PBX1: variants seen among roughly 807,000 people sequenced by gnomAD.
PBX1 encodes PBX homeobox 1, also known as pre-B-cell leukemia transcription factor 1.
A neutral mutation model predicts 53.4 loss-of-function variants in PBX1; 6 were observed. The observed-to-expected ratio is 0.11, with a 90% confidence interval of 0.06 to 0.22. PBX1 has a LOEUF of 0.22. PBX1 is among the 10% of genes least tolerant of loss of function. The pLI is 1.00. For synonymous variants in PBX1, 204 were observed against 212.3 expected, an observed-to-expected ratio of 0.96 and a Z score of 0.34; for missense variants, 251 against 551.4, an observed-to-expected ratio of 0.46 and a Z score of 5.46.
chr1:164,684,162 C>G (rs569416355), intron 2 of PBX1: 1 of 152,146 alleles, frequency 6.6e-6, no homozygotes, highest in Non-Finnish European at 1.5e-5. Flanking sequence ...TACAGAATAT[C>G]TAACAGCTAT....
At chr1:164,729,354 G>T (rs1664863205) in intron 2 of PBX1, among the ~76,000 whole-genome samples, 1 of 151,970 alleles carries the variant, frequency 6.6e-6, no homozygotes, top group South Asian at 2.1e-4. Context: ...ATTTATCCTT[G>T]TGCTTCTTTT....
intron 8 of PBX1, among the ~76,000 whole-genome samples, chr1:164,834,454 A>G (rs903772306): frequency 1.3e-5 from 2 of 150,340 alleles, no homozygotes; most frequent in Admixed American, 6.6e-5. Context: ...AGCAATTCTC[A>G]TGCCTCAGCC....
At chr1:164,684,370 T>TTA (rs1661973269) in intron 2 of PBX1, 1 of 152,214 alleles carries the variant, frequency 6.6e-6, no homozygotes, top group South Asian at 2.1e-4. Context: ...TTGACCTCTC[T>TTA]TATGCATTAT....
chr1:164,826,168 T>A (rs1170979639), intron 8 of PBX1, among the ~76,000 whole-genome samples: 1 of 152,210 alleles, frequency 6.6e-6, no homozygotes, highest in South Asian at 2.1e-4. Context: ...GATCTTTGAT[T>A]CATTGTTAGC....
At chr1:164,669,524 C>T (rs768120858) in intron 2 of PBX1, among the ~76,000 whole-genome samples, 1 of 152,170 alleles carries the variant, frequency 6.6e-6, no homozygotes, top group Admixed American at 6.5e-5. Flanking sequence ...TCTTTTCCTT[C>T]TACTTCCAGG....
At chr1:164,810,622 A>G (rs1314149767) in intron 5 of PBX1, among the ~76,000 whole-genome samples, 1 of 152,084 alleles carries the variant, frequency 6.6e-6, no homozygotes, top group African/African-American at 2.4e-5. Context: ...TTCCTATCCC[A>G]TAAATCAAAA....
At chr1:164,679,311 C>T (rs939040358) in intron 2 of PBX1, among the ~76,000 whole-genome samples, 36 of 152,066 alleles carry the variant, frequency 2.4e-4, no homozygotes, top group African/African-American at 8.2e-4. Context: ...GTTTGCACTG[C>T]GGAAGGATGA....
Position 164,846,773 on chromosome 1 carries a change from G to T in PBX1, c.*97G>T, listed in dbSNP as rs868513084. Reference sequence around the variant, plus strand: ...CCAACGCTGAAGCGGTCAGACTGGAGGTCGAAGCAATCAGCAAACACAATA... The same window carrying T: ...CCAACGCTGAAGCGGTCAGACTGGATGTCGAAGCAATCAGCAAACACAATA... On this transcript the variant is annotated 3_prime_UTR_variant, in exon 9 of 9. Coordinates refer to ENST00000420696, the MANE Select transcript of PBX1 (RefSeq NM_002585.4). 6 of 1,598,966 alleles carry T rather than the reference G, an allele frequency of 3.8e-6. No homozygotes were observed. In the Middle Eastern group the frequency reaches 8.1e-4, roughly 215 times the overall value.
At chr1:164,752,493 C>A (rs570061075) in intron 2 of PBX1, among the ~76,000 whole-genome samples, 1 of 152,132 alleles carries the variant, frequency 6.6e-6, no homozygotes, top group South Asian at 2.1e-4. Flanking sequence ...GTTAATTAAG[C>A]TCTATTAAAT....
intron 5 of PBX1, among the ~76,000 whole-genome samples, chr1:164,808,223 A>G (rs1669446283): frequency 1.3e-5 from 2 of 152,224 alleles, no homozygotes; most frequent in Non-Finnish European, 2.9e-5. Flanking sequence ...ATGTCACTGA[A>G]TGCCCCCTTC....
intron 2 of PBX1, among the ~76,000 whole-genome samples, chr1:164,744,791 T>G (rs1665807329): frequency 6.6e-6 from 1 of 152,080 alleles, no homozygotes; most frequent in South Asian, 2.1e-4. Context: ...CTGAGGACAT[T>G]TTTTTCAGCA....
chr1:164,623,066 G>T (rs1321750051), intron 2 of PBX1, among the ~76,000 whole-genome samples: 2 of 152,072 alleles, frequency 1.3e-5, no homozygotes, highest in Non-Finnish European at 2.9e-5. Context: ...ACCTGCCTCG[G>T]CCTCCCAAAG....
chr1:164,607,042 G>A (rs1009710417), intron 2 of PBX1, among the ~76,000 whole-genome samples: 1 of 152,218 alleles, frequency 6.6e-6, no homozygotes, highest in Non-Finnish European at 1.5e-5. Context: ...GGCTGTGAGA[G>A]CACCGCATGG....
intron 2 of PBX1, among the ~76,000 whole-genome samples, chr1:164,692,158 G>T (rs1251765164): frequency 6.6e-6 from 1 of 152,224 alleles, no homozygotes; most frequent in Admixed American, 6.5e-5. Flanking sequence ...ATTATATGCT[G>T]TGGGAAATAC....
At chr1:164,644,485 A>G (rs1438699747) in intron 2 of PBX1, among the ~76,000 whole-genome samples, 1 of 152,162 alleles carries the variant, frequency 6.6e-6, no homozygotes, top group Non-Finnish European at 1.5e-5. Context: ...CGCTTACAAA[A>G]TGCAGACCCT....
rs572881937 is a variant in PBX1, at chr1:164,559,703, C to T, written c.-120C>T. 6 of 601,412 alleles carry T rather than the reference C, an allele frequency of 1.0e-5. No homozygotes were observed. In the South Asian group the frequency reaches 1.5e-4, roughly 15 times the overall value. 37.3% of individuals were successfully genotyped at this position (601,412 alleles called of 1,614,324 possible). On this transcript the variant is annotated 5_prime_UTR_variant, in exon 1 of 9. Transcript: ENST00000420696. ...CTTTTGGTCTTCTTTTTTCCCCCTT[C>T]CCTGTTTATCCTGAAAAGGATTTGA...
intron 2 of PBX1, among the ~76,000 whole-genome samples, chr1:164,605,578 C>T (rs957484872): frequency 6.6e-6 from 1 of 152,132 alleles, no homozygotes; most frequent in Non-Finnish European, 1.5e-5. Flanking sequence ...CATAATACAA[C>T]CCCGTTAATT....
intron 2 of PBX1, chr1:164,682,003 A>G (rs769755393): frequency 6.6e-6 from 1 of 152,222 alleles, no homozygotes; most frequent in Non-Finnish European, 1.5e-5. Flanking sequence ...AAGCAATCAA[A>G]ATAGCACCTT....
At chr1:164,830,386 A>G in intron 8 of PBX1, among the ~76,000 whole-genome samples, 1 of 152,202 alleles carries the variant, frequency 6.6e-6, no homozygotes, top group Non-Finnish European at 1.5e-5. Context: ...TCTTAACACA[A>G]AACATAGAAA....
Sources: gnomAD v4.1 joint callset for allele counts (sites outside exome capture counted in the v4.1 genomes callset) on GRCh38, gnomAD v4.1.1 for gene constraint, MANE v1.5 for transcripts, NCBI Gene and HGNC (gene_info 2026-07-23, HGNC 2026-07-21) for gene names.